The following SSC5D variants were observed in gnomAD, a reference collection of about 807,000 sequenced individuals.
The protein encoded by SSC5D is soluble scavenger receptor cysteine-rich domain-containing protein SSC5D.
In SSC5D, 106 loss-of-function variants were observed where a neutral mutation model predicts 104.6. The ratio of observed to expected loss-of-function variants is 1.01; its 90% CI spans 0.87 to 1.19. SSC5D has a LOEUF of 1.19. Ranked by LOEUF, SSC5D falls within the 50% of genes most tolerant of loss-of-function variation. SSC5D has a pLI of 0.00. For synonymous variants in SSC5D, 860 were observed against 883.5 expected (o/e 0.97, Z 0.47); for missense variants, 1,993 against 2,153.8 (o/e 0.93, Z 1.48).
rs1047920895 is a variant in SSC5D, at chr19:55,503,511, C to T, written c.2785+2310C>T. 1.3e-5 allele frequency among the ~76,000 whole-genome samples: 2 copies of T among 152,038 alleles called. No individual in the cohort carries two copies. The highest frequency in any genetic ancestry group is 4.8e-5 in the African/African-American group (2 of 41,386). On this transcript the variant is annotated intron_variant, in intron 12 of 13. Coordinates refer to ENST00000389623, the MANE Select transcript of SSC5D (RefSeq NM_001144950.2). This position sits in a 1 kb window ranked among gnomAD's most constrained non-coding sequence, Gnocchi z 4.0. ...CCCCTCGTTTCTCTCATGGTCAGCC[C>T]CCTTCCCTCCGTTTCTGTCTCCCGC...
At chr19:55,494,891 AGAG>A in intron 8 of SSC5D, 108 bp downstream of exon 8, 10 of 1,292,290 alleles carry the variant, frequency 7.7e-6, no homozygotes, top group Non-Finnish European at 9.3e-6. Flanking sequence ...AAGGTGGAGA[AGAG>A]GAGCACAGGG....
In SSC5D at chr19:55,518,220, C is replaced by T; in HGVS notation, c.3944C>T (p.Thr1315Ile). The stretch of plus-strand genomic sequence containing the variant: ...CCCACCACGACCCCTTACCCCACCA[C>T]TACTCCTGATCCCACCACGACCCCT... ...PDPTTTPYPT[T>I]TPDPTTTPHP... Residue 1315 changes from threonine (T) to isoleucine (I), a missense_variant, in exon 14 of 14, where the codon ACT becomes ATT. This residue lies in a region of SSC5D where 349 missense variants were observed against 397.6 expected (regional missense o/e 0.88). Transcript: ENST00000389623. 2.0e-6 allele frequency: 3 copies of T among 1,473,106 alleles called. No individual in the cohort carries two copies. Among genetic ancestry groups the T allele is most frequent in the Non-Finnish European group, 2.7e-6 (3 of 1,103,638 alleles). The allele number at this position is 1,473,106 out of a possible 1,614,324, so 91.3% of individuals were successfully genotyped here. A position where few individuals can be genotyped will look rare whatever the true frequency, so the allele number is the denominator to read the frequency against.
In SSC5D at chr19:55,504,943, A is replaced by C. The variant is rs551006902; in HGVS notation, c.2785+3742A>C. Among the ~76,000 whole-genome samples, 3 of 152,288 alleles carry C rather than the reference A, an allele frequency of 2.0e-5. No individual in the cohort carries two copies. The East Asian group carries it at 5.8e-4, about 29-fold the overall frequency. ...ACACCTGTGTTTCAGATGGGGTAAA[A>C]AGTGAGGCTCAGAGAAGTTTAACTT... On this transcript the variant is annotated intron_variant, in intron 12 of 13. Coordinates refer to ENST00000389623, the MANE Select transcript of SSC5D (RefSeq NM_001144950.2).
rs928265860 is a variant in SSC5D, at chr19:55,493,669, C to T, written c.970C>T (p.Arg324Cys). The T allele has an allele frequency of 1.3e-6, 2 of 1,506,840 alleles. No individual in the cohort carries two copies. Among genetic ancestry groups the T allele is most frequent in the Non-Finnish European group, 1.8e-6 (2 of 1,134,824 alleles). The allele number at this position is 1,506,840 out of a possible 1,614,324, so 93.3% of individuals were successfully genotyped here. Reference protein sequence around the residue: ...AGRLEVWHGGRWGSVCDDAWD... With the variant: ...AGRLEVWHGGCWGSVCDDAWD... Reference sequence around the variant, plus strand: ...CCGCCTGGAGGTCTGGCACGGGGGTCGCTGGGGGTCGGTGTGTGACGACGC... The same window carrying T: ...CCGCCTGGAGGTCTGGCACGGGGGTTGCTGGGGGTCGGTGTGTGACGACGC... The change falls in exon 7 of 14, where the codon CGC becomes TGC. Residue 324 changes from arginine to cysteine, a missense_variant. Coordinates refer to ENST00000389623, the MANE Select transcript of SSC5D (RefSeq NM_001144950.2).
At position 55,490,885 on chromosome 19, in the gene SSC5D, G is replaced by A. The variant is rs1035079215; in HGVS notation, c.700G>A (p.Val234Ile). 1 of 1,546,256 alleles carries A rather than the reference G, an allele frequency of 6.5e-7. No homozygotes were observed. ...TGGCTGGGACCTGCGCGACGCTGCT[G>A]TAGCCTGCCGGGAACTGGGCTGTGG... ...DDGWDLRDAA[V>I]ACRELGCGGA... Residue 234 changes from valine to isoleucine, a missense_variant, in exon 6 of 14, where the codon GTA (valine) becomes ATA (isoleucine). Val to Ile is a conservative substitution (Grantham distance 29). Coordinates refer to ENST00000389623, the MANE Select transcript of SSC5D (RefSeq NM_001144950.2).
chr19:55,494,768 C>G lies in SSC5D; in HGVS notation c.1372C>G (p.Pro458Ala). Residue 458 changes from proline to alanine, a missense_variant, in exon 8 of 14, where the codon CCT (proline) becomes GCT (alanine). Around this residue, in one of 6 missense-constraint regions of SSC5D, gnomAD observed 1,101 missense variants for 1,085.0 expected, o/e 1.01. Transcript: ENST00000389623. ...PPASPTVLWE[P>A]GPEAGSPQLR... ...AGCCTCCCCTACTGTCCTTTGGGAG[C>G]CTGGACCGGAAGCCGGTGAGTCCCT... The G allele has an allele frequency of 3.9e-6, 6 of 1,543,088 alleles. No individual in the cohort carries two copies. Among genetic ancestry groups the G allele is most frequent in the Non-Finnish European group, 5.3e-6 (6 of 1,142,584 alleles).
intron 13 of SSC5D, among the ~76,000 whole-genome samples, chr19:55,515,340 G>A (rs192976154): frequency 1.5e-4 from 22 of 142,820 alleles, no homozygotes; most frequent in Admixed American, 1.5e-3. Context: ...AGATTGCAGC[G>A]AGCCAAGATC....
intron 12 of SSC5D, among the ~76,000 whole-genome samples, chr19:55,511,218 T>C (rs1987749305): frequency 6.6e-6 from 1 of 152,034 alleles, no homozygotes; most frequent in Non-Finnish European, 1.5e-5. Context: ...ATGACGGAGG[T>C]GTCTGCTGTG....
intron 12 of SSC5D, among the ~76,000 whole-genome samples, chr19:55,505,317 T>C (rs929760845): frequency 2.0e-5 from 3 of 151,682 alleles, no homozygotes; most frequent in African/African-American, 7.3e-5. Context: ...CAAGGAGAAA[T>C]GAATTCTCAG....
At position 55,498,122 on chromosome 19, in the gene SSC5D, C is replaced by G; in HGVS notation, c.1630C>G (p.Leu544Val). ...DVGCVGTEAS[L>V]SDCPAAPWGK... is the part of the protein sequence containing the mutation. ...GGGCTGTGTGGGGACCGAGGCTTCA[C>G]TGTCCGACTGCCCTGCTGCTCCCTG... is the stretch of plus-strand genomic sequence containing the variant. The change falls in exon 9 of 14, where the codon CTG (leucine) becomes GTG (valine). Residue 544 changes from leucine to valine, a missense_variant. Leu to Val is a conservative substitution (Grantham distance 32). Around this residue, in one of 6 missense-constraint regions of SSC5D, gnomAD observed 1,101 missense variants for 1,085.0 expected, o/e 1.01. Coordinates refer to ENST00000389623, the MANE Select transcript of SSC5D (RefSeq NM_001144950.2). 1 of 1,551,748 alleles carries G rather than the reference C, an allele frequency of 6.4e-7. No individual in the cohort carries two copies. The highest frequency in any genetic ancestry group is 8.7e-7 in the Non-Finnish European group (1 of 1,146,990).
In SSC5D at chr19:55,489,416, G is replaced by T. The variant is rs552673762; in HGVS notation, c.115G>T (p.Gly39Trp). Residue 39 changes from glycine to tryptophan, a missense_variant, in exon 3 of 14, where the codon GGG (glycine) becomes TGG (tryptophan). Gly to Trp is a radical substitution (Grantham distance 184). Transcript: ENST00000389623. The stretch of plus-strand genomic sequence containing the variant: ...TGGCCGCCTGGAGGTCTGGCATGGC[G>T]GGCGCTGGGGCACCGTGTGTGATGA... ...CAGRLEVWHG[G>W]RWGTVCDDGW... 6.7e-7 allele frequency: 1 copy of T among 1,489,430 alleles called. No individual in the cohort carries two copies. Among genetic ancestry groups the T allele is most frequent in the South Asian group, 1.3e-5 (1 of 76,088 alleles). The allele number at this position is 1,489,430 out of a possible 1,614,324, so 92.3% of individuals were successfully genotyped here.
At chr19:55,512,878 AG>A in intron 12 of SSC5D, 132 bp from the exon 13 acceptor site, 1 of 1,082,230 alleles carries the variant, frequency 9.2e-7, no homozygotes, top group Non-Finnish European at 1.4e-6. Context: ...CCACGAGGTC[AG>A]GTAGGGCTGC....
intron 12 of SSC5D, among the ~76,000 whole-genome samples, chr19:55,509,643 A>T (rs1321895779): frequency 2.0e-5 from 3 of 151,366 alleles, no homozygotes; most frequent in South Asian, 2.1e-4. Context: ...GATCACCTGA[A>T]GCCAGGAGTT....
At chr19:55,501,923 T>C (rs1378100425) in intron 12 of SSC5D, among the ~76,000 whole-genome samples, 1 of 152,164 alleles carries the variant, frequency 6.6e-6, no homozygotes, top group Non-Finnish European at 1.5e-5. Context: ...CTCACCCTCA[T>C]CATCTCTATC....
intron 8 of SSC5D, 31 bp from the exon 9 acceptor site, chr19:55,497,849 A>C (rs979034070): frequency 6.7e-7 from 1 of 1,491,570 alleles, no homozygotes; most frequent in Non-Finnish European, 9.0e-7. Flanking sequence ...GGCTTCCCCG[A>C]CTCTAATTCT....
intron 12 of SSC5D, among the ~76,000 whole-genome samples, chr19:55,506,285 G>A (rs192506729): frequency 9.6e-5 from 14 of 145,212 alleles, no homozygotes; most frequent in African/African-American, 3.4e-4. Flanking sequence ...TAATTTTTAT[G>A]TTATTTGTTA....
At position 55,489,370 on chromosome 19, in the gene SSC5D, C is replaced by G. The variant is rs1283717823; in HGVS notation, c.69C>G (p.Ala23=). 2 of 1,462,320 alleles carry G rather than the reference C, an allele frequency of 1.4e-6. No homozygotes were observed. Among genetic ancestry groups the G allele is most frequent in the Non-Finnish European group, 1.8e-6 (2 of 1,116,004 alleles). The allele number at this position is 1,462,320 out of a possible 1,614,324, so 90.6% of individuals were successfully genotyped here. A position where few individuals can be genotyped will look rare whatever the true frequency, so the allele number is the denominator to read the frequency against. Residue 23 remains alanine (A), a synonymous_variant, in exon 3 of 14, where the codon GCC becomes GCG. Transcript: ENST00000389623. ...AACCCTCAGAGCGCCTGCGCCTGGC[C>G]GATGGCCCCCATGGGTGCGCTGGCC... ...GIQAVERLRL[A]DGPHGCAGRL...
At chr19:55,491,425 C>A in intron 6 of SSC5D, 1 of 250,074 alleles carries the variant, frequency 4.0e-6, no homozygotes, top group African/African-American at 2.3e-5. Context: ...CGCAAGAAGC[C>A]CTGCCTGCCC....
At chr19:55,510,213 G>A (rs920365322) in intron 12 of SSC5D, among the ~76,000 whole-genome samples, 1 of 152,134 alleles carries the variant, frequency 6.6e-6, no homozygotes, top group Non-Finnish European at 1.5e-5. Context: ...TGGCCAGGCT[G>A]GTTCTGAACT....
Sources: allele counts gnomAD v4.1 joint callset (sites outside exome capture counted in the v4.1 genomes callset), GRCh38; gene constraint gnomAD v4.1.1; regional missense constraint gnomAD v4.1.1; non-coding constraint Gnocchi (gnomAD v3.1); transcripts MANE v1.5; gene names NCBI Gene and HGNC (gene_info 2026-07-23, HGNC 2026-07-21).